The following NUMB variants were observed in gnomAD, a reference collection of about 807,000 sequenced individuals.
NUMB encodes the protein protein numb homolog.
A neutral mutation model predicts 59.7 loss-of-function variants in NUMB; 29 were observed. The observed-to-expected ratio is 0.49, with a 90% confidence interval of 0.36 to 0.66. The LOEUF is 0.66. NUMB is among the 30% of genes least tolerant of loss of function. The probability of loss-of-function intolerance (pLI) is 0.00; values close to 1 mark genes in which losing one functional copy is unlikely to be tolerated. For missense variants in NUMB, 723 were observed against 822.0 expected (o/e 0.88, Z 1.47); for synonymous variants, 288 against 288.2 (o/e 1.00, Z 0.01).
chr14:73,327,237 C>T (rs894810897), intron 4 of NUMB, among the ~76,000 whole-genome samples: 2 of 152,088 alleles, frequency 1.3e-5, no homozygotes, highest in Non-Finnish European at 2.9e-5. Context: ...TCTCAAGTTA[C>T]AGAATTTCCA....
intron 1 of NUMB, among the ~76,000 whole-genome samples, chr14:73,442,070 C>G (rs993437908): frequency 1.3e-5 from 2 of 151,430 alleles, no homozygotes; most frequent in African/African-American, 4.9e-5. Flanking sequence ...TGAAAAGAGA[C>G]CCGGCACAGT....
At chr14:73,366,734 G>C (rs1334233358) in intron 3 of NUMB, among the ~76,000 whole-genome samples, 163 bp downstream of exon 3, 1 of 152,148 alleles carries the variant, frequency 6.6e-6, no homozygotes, top group African/African-American at 2.4e-5. Context: ...AAAGATATGT[G>C]AAATTATTAT....
chr14:73,342,541 C>T lies in NUMB; in HGVS notation c.126+13085G>A, dbSNP rs564759523. On this transcript the variant is annotated intron_variant, in intron 4 of 12. Transcript: ENST00000555238. ...TAGAACAGGTTGGTGTGGTCAATGC[C>T]TATCAGTCAGGTACCAAACATCTAT... 3.0e-4 allele frequency among the ~76,000 whole-genome samples: 45 copies of T among 152,294 alleles called. 2 individuals are homozygous for T. In the South Asian group the frequency reaches 9.1e-3, roughly 31 times the overall value.
chr14:73,279,413 C>G lies in NUMB; in HGVS notation c.1108G>C (p.Asp370His). ...QSPTFQANGT[D>H]SAFHVLAKPA... ...TTAGCAAGCACATGGAAGGCTGAGT[C>G]AGTGCCATTAGCTACAACGGGAGCA... is the stretch of plus-strand genomic sequence containing the variant. The change falls in exon 12 of 13, where the codon GAC (aspartate) becomes CAC (histidine). Residue 370 changes from aspartate to histidine, a missense_variant. Around this residue, in one of 2 missense-constraint regions of NUMB, gnomAD observed 406 missense variants for 385.4 expected, o/e 1.05. Transcript: ENST00000555238. 6.3e-7 allele frequency: 1 copy of G among 1,588,108 alleles called. No individual in the cohort carries two copies. Among genetic ancestry groups the G allele is most frequent in the Non-Finnish European group, 8.6e-7 (1 of 1,167,308 alleles).
rs1233203479 is a variant in NUMB, at chr14:73,341,099, C to A, written c.126+14527G>T. Among the ~76,000 whole-genome samples, 4 of 152,196 alleles carry A rather than the reference C, an allele frequency of 2.6e-5. 1 individual carries two copies. Among genetic ancestry groups the A allele is most frequent in the Non-Finnish European group, 5.9e-5 (4 of 68,046 alleles). ...CATGTGGAACTGTGAGTCAATTAAACCTCTTTCCTTTATAAATTACCCATC... is the reference window on the plus strand; with the variant it reads ...CATGTGGAACTGTGAGTCAATTAAAACTCTTTCCTTTATAAATTACCCATC... On this transcript the variant is annotated intron_variant, in intron 4 of 12. Coordinates refer to ENST00000555238, the MANE Select transcript of NUMB (RefSeq NM_001005743.2).
chr14:73,447,999 C>G (rs569537247), intron 1 of NUMB, among the ~76,000 whole-genome samples: 1 of 152,034 alleles, frequency 6.6e-6, no homozygotes, highest in Non-Finnish European at 1.5e-5. Flanking sequence ...GGTTTTACCA[C>G]GTTGGCCAGG....
At chr14:73,326,878 A>G (rs1891689525) in intron 4 of NUMB, among the ~76,000 whole-genome samples, 1 of 152,252 alleles carries the variant, frequency 6.6e-6, no homozygotes, top group Non-Finnish European at 1.5e-5. Context: ...AAAACTGAGG[A>G]AAGGAAATGA....
At chr14:73,377,271 G>T (rs1267041466) in intron 2 of NUMB, among the ~76,000 whole-genome samples, 2 of 152,100 alleles carry the variant, frequency 1.3e-5, no homozygotes, top group Non-Finnish European at 2.9e-5. Flanking sequence ...CTCTACTAAA[G>T]ACACAGTCAA....
At chr14:73,328,664 T>A (rs893629012) in intron 4 of NUMB, among the ~76,000 whole-genome samples, 1 of 152,238 alleles carries the variant, frequency 6.6e-6, no homozygotes, top group Non-Finnish European at 1.5e-5. Context: ...GACTGATAGT[T>A]CTTGGCATCT....
chr14:73,294,025 C>CA (rs1889588077), intron 7 of NUMB, among the ~76,000 whole-genome samples: 2 of 152,160 alleles, frequency 1.3e-5, no homozygotes, highest in Non-Finnish European at 2.9e-5. Context: ...GAGAATAAGT[C>CA]AGACTTGTCT....
intron 8 of NUMB, 77 bp downstream of exon 8, chr14:73,292,657 C>G (rs759538043): frequency 6.8e-7 from 1 of 1,476,740 alleles, no homozygotes; most frequent in Non-Finnish European, 9.3e-7. Context: ...TAGTAGAAAC[C>G]GCTTGGCTGA....
intron 1 of NUMB, among the ~76,000 whole-genome samples, chr14:73,430,289 T>G (rs184032965): frequency 6.6e-6 from 1 of 152,176 alleles, no homozygotes; most frequent in Admixed American, 6.5e-5. Flanking sequence ...TAATTATATA[T>G]GACAACCTGC....
rs532221220 is a variant in NUMB at position 73,449,986 on chromosome 14, C to T, written c.-233+8507G>A. On this transcript the variant is annotated intron_variant, in intron 1 of 12. Transcript: ENST00000555238. The stretch of plus-strand genomic sequence containing the variant: ...TACAGATGTGAGCCACCGCGCCCAG[C>T]CTTAAAATACCTGTAATGTTTTAAA... Among the ~76,000 whole-genome samples the T allele has an allele frequency of 5.3e-5, 8 of 152,336 alleles. 1 individual carries two copies. Among genetic ancestry groups the T allele is most frequent in the Admixed American group, 5.2e-4 (8 of 15,292 alleles).
intron 6 of NUMB, among the ~76,000 whole-genome samples, chr14:73,306,805 A>G (rs1420600181): frequency 6.6e-6 from 1 of 152,196 alleles, no homozygotes; most frequent in African/African-American, 2.4e-5. Flanking sequence ...GGTGAACTTG[A>G]GCAGTACATT....
At chr14:73,410,476 T>A (rs1173399948) in intron 1 of NUMB, among the ~76,000 whole-genome samples, 1 of 152,202 alleles carries the variant, frequency 6.6e-6, no homozygotes, top group Non-Finnish European at 1.5e-5. Context: ...CTCTATGGGA[T>A]TGATTTTATC....
chr14:73,456,385 T>C (rs1884375817), intron 1 of NUMB, among the ~76,000 whole-genome samples: 1 of 152,048 alleles, frequency 6.6e-6, no homozygotes. Flanking sequence ...GCTGGGATTA[T>C]AGGCGTGAGC....
At chr14:73,317,737 C>A (rs1891164065) in intron 5 of NUMB, among the ~76,000 whole-genome samples, 1 of 152,160 alleles carries the variant, frequency 6.6e-6, no homozygotes, top group African/African-American at 2.4e-5. Context: ...TGAAAACTGG[C>A]CACCAATTAA....
At chr14:73,456,241 C>T (rs1242818560) in intron 1 of NUMB, among the ~76,000 whole-genome samples, 1 of 152,048 alleles carries the variant, frequency 6.6e-6, no homozygotes, top group Admixed American at 6.6e-5. Context: ...TTCCAAGTAG[C>T]TGGGATTACA....
intron 1 of NUMB, among the ~76,000 whole-genome samples, chr14:73,442,864 CTTTT>C (rs1159531371): frequency 6.6e-6 from 1 of 151,906 alleles, no homozygotes; most frequent in Non-Finnish European, 1.5e-5. Flanking sequence ...ACACCATTTA[CTTTT>C]TTTTCTTTTT....
Sources: allele counts gnomAD v4.1 joint callset (sites outside exome capture counted in the v4.1 genomes callset), GRCh38; gene constraint gnomAD v4.1.1; regional missense constraint gnomAD v4.1.1; transcripts MANE v1.5; gene names NCBI Gene and HGNC (gene_info 2026-07-23, HGNC 2026-07-21).